Variants in TMPRSS11E observed in about 807,000 individuals in gnomAD.
TMPRSS11E encodes transmembrane protease serine 11E.
Under a neutral mutation model 48.1 loss-of-function variants are expected in TMPRSS11E, and 38 were observed. That is an observed-to-expected ratio of 0.79 (90% CI 0.61 to 1.04). The LOEUF is 1.04. Ranked by LOEUF, TMPRSS11E falls within the 50% of genes least tolerant of loss-of-function variation. The pLI is 0.00. For missense variants in TMPRSS11E, 530 were observed against 510.8 expected (o/e 1.04, Z -0.36); for synonymous variants, 158 against 171.9 (o/e 0.92, Z 0.63).
intron 8 of TMPRSS11E, among the ~76,000 whole-genome samples, chr4:68,478,392 C>T (rs2603181): frequency 0.66 from 96,932 of 147,200 alleles, 32,328 homozygotes; most frequent in East Asian, 0.86. Flanking sequence ...GATCTGCCCT[C>T]CTCGGCCTCC....
At chr4:68,487,136 T>C (rs1251660151) in intron 9 of TMPRSS11E, among the ~76,000 whole-genome samples, 1 of 152,194 alleles carries the variant, frequency 6.6e-6, no homozygotes, top group Non-Finnish European at 1.5e-5. Flanking sequence ...GTTATAATAT[T>C]GATATGTGAA....
At chr4:68,486,639 T>G (rs919313064) in intron 9 of TMPRSS11E, among the ~76,000 whole-genome samples, 2 of 152,216 alleles carry the variant, frequency 1.3e-5, no homozygotes, top group Non-Finnish European at 2.9e-5. Flanking sequence ...GTTCTATAGA[T>G]ATCTCTTAGG....
At chr4:68,474,308 T>C (rs1329010148) in intron 5 of TMPRSS11E, among the ~76,000 whole-genome samples, 1 of 152,086 alleles carries the variant, frequency 6.6e-6, no homozygotes, top group African/African-American at 2.4e-5. Flanking sequence ...AATGATACAA[T>C]CTGAAATAAT....
intron 5 of TMPRSS11E, among the ~76,000 whole-genome samples, chr4:68,473,337 G>T (rs1335534175): frequency 3.9e-5 from 6 of 151,990 alleles, no homozygotes; most frequent in Non-Finnish European, 8.8e-5. Context: ...GCAAGTTTTG[G>T]TTCAAACAGA....
In TMPRSS11E at chr4:68,447,472, T is replaced by C; in HGVS notation, c.-41T>C. The C allele has an allele frequency of 6.2e-7, 1 of 1,603,894 alleles. No homozygotes were observed. The highest frequency in any genetic ancestry group is 8.5e-7 in the Non-Finnish European group (1 of 1,174,818). ...AGAGCTGGATTCACACACTTGGATG[T>C]AGACCTCGACCTTCACAGGACTCTT... On this transcript the variant is annotated 5_prime_UTR_variant, in exon 1 of 10. It removes the in-frame stop codon of an upstream open reading frame in the 5' UTR. Coordinates refer to ENST00000305363, the MANE Select transcript of TMPRSS11E (RefSeq NM_014058.4).
At chr4:68,467,072 TA>T (rs1190022554) in intron 3 of TMPRSS11E, among the ~76,000 whole-genome samples, 1 of 152,072 alleles carries the variant, frequency 6.6e-6, no homozygotes, top group Non-Finnish European at 1.5e-5. Context: ...ATATTTGTTG[TA>T]TCCTAGACTT....
intron 9 of TMPRSS11E, among the ~76,000 whole-genome samples, chr4:68,491,357 G>T (rs1268018365): frequency 3.7e-5 from 5 of 134,622 alleles, no homozygotes; most frequent in African/African-American, 1.4e-4. Context: ...CATTCCTTTT[G>T]TCCTGCATTT....
rs1560552553 is a variant in TMPRSS11E, at chr4:68,471,531, CTG to C, written c.400_401del (p.Val134ArgfsTer2). 1 of 1,611,010 alleles carries C rather than the reference CTG, an allele frequency of 6.2e-7. No homozygotes were observed. The highest frequency in any genetic ancestry group is 8.5e-7 in the Non-Finnish European group (1 of 1,178,598). ...TTTCACTCTACTGAGGATCCTGAAA[CTG>C]TAGATAAAATTGTTCAACTTGTTTT... is the stretch of plus-strand genomic sequence containing the variant. On this transcript the variant is annotated frameshift_variant, in exon 5 of 10. Transcript: ENST00000305363. LOFTEE classifies it high-confidence loss of function.
Position 68,471,454 on chromosome 4 carries a change from C to T in TMPRSS11E, c.327-6C>T, listed in dbSNP as rs779738286. ...TTCTTTCATTTTCTTCTTTTTTGGC[C>T]CACAGTCAACAGAAGCATGGAGTGT... is the stretch of plus-strand genomic sequence containing the variant. On this transcript the variant is annotated splice_polypyrimidine_tract_variant and splice_region_variant and intron_variant, in intron 4 of 9. Coordinates refer to ENST00000305363, the MANE Select transcript of TMPRSS11E (RefSeq NM_014058.4). 3 of 1,276,566 alleles carry T rather than the reference C, an allele frequency of 2.4e-6. No homozygotes were observed. Among genetic ancestry groups the T allele is most frequent in the Non-Finnish European group, 3.0e-6 (3 of 988,352 alleles). The allele number at this position is 1,276,566 out of a possible 1,614,324, so 79.1% of individuals were successfully genotyped here.
Position 68,477,472 on chromosome 4 carries a change from C to T in TMPRSS11E, c.811C>T (p.His271Tyr), listed in dbSNP as rs1729256429. Residue 271 changes from histidine (H) to tyrosine (Y), a missense_variant, in exon 8 of 10, where the codon CAC becomes TAC. Coordinates refer to ENST00000305363, the MANE Select transcript of TMPRSS11E (RefSeq NM_014058.4). ...RRIIVHEKYK[H>Y]PSHDYDISLA... is the part of the protein sequence containing the mutation. ...AATAATTGTCCATGAAAAATACAAA[C>T]ACCCATCACATGACTATGATATTTC... The T allele has an allele frequency of 1.2e-6, 2 of 1,613,976 alleles. No homozygotes were observed. The highest frequency in any genetic ancestry group is 2.2e-5 in the East Asian group (1 of 44,862).
rs1483498752 is a variant in TMPRSS11E at position 68,491,728 on chromosome 4, GCTTT to G, written c.1111-4912_1111-4909del. On this transcript the variant is annotated intron_variant, in intron 9 of 9. Coordinates refer to ENST00000305363, the MANE Select transcript of TMPRSS11E (RefSeq NM_014058.4). ...ATTTGACAGAATTTTTGTTTAATGT[GCTTT>G]CTAAGCCCTATAGTTCTCTTCAGAA... Among the ~76,000 whole-genome samples, 6 of 152,200 alleles carry G rather than the reference GCTTT, an allele frequency of 3.9e-5. No homozygotes were observed. In the South Asian group the frequency reaches 1.2e-3, roughly 32 times the overall value.
intron 2 of TMPRSS11E, among the ~76,000 whole-genome samples, chr4:68,463,265 G>A (rs888425284): frequency 6.6e-6 from 1 of 152,052 alleles, no homozygotes; most frequent in African/African-American, 2.4e-5. Flanking sequence ...TTTAAATTTG[G>A]AGTATCTGCA....
chr4:68,448,069 T>C lies in TMPRSS11E; in HGVS notation c.11+546T>C, dbSNP rs376452876. 1.1e-3 allele frequency among the ~76,000 whole-genome samples: 165 copies of C among 152,116 alleles called. 1 individual carries two copies. The highest frequency in any genetic ancestry group is 3.8e-3 in the African/African-American group (159 of 41,554). ...ATAAATCCACTGATATGCCTGGCCATAGTCAACTTCTCCAAAGATAAGTCA... is the reference window on the plus strand; with the variant it reads ...ATAAATCCACTGATATGCCTGGCCACAGTCAACTTCTCCAAAGATAAGTCA... On this transcript the variant is annotated intron_variant, in intron 1 of 9. Transcript: ENST00000305363.
At chr4:68,492,698 A>G (rs1729763795) in intron 9 of TMPRSS11E, among the ~76,000 whole-genome samples, 1 of 152,202 alleles carries the variant, frequency 6.6e-6, no homozygotes, top group African/African-American at 2.4e-5. Flanking sequence ...CACACACGAA[A>G]TCTGTTTATG....
chr4:68,488,050 C>T (rs188140036), intron 9 of TMPRSS11E, among the ~76,000 whole-genome samples: 1 of 151,898 alleles, frequency 6.6e-6, no homozygotes, highest in Admixed American at 6.6e-5. Flanking sequence ...GATATCACCC[C>T]CTTTGTATGT....
intron 1 of TMPRSS11E, among the ~76,000 whole-genome samples, chr4:68,451,525 G>A (rs148920556): frequency 5.5e-4 from 83 of 151,878 alleles, no homozygotes; most frequent in African/African-American, 1.8e-3. Context: ...GTACTATACA[G>A]GCATATTTAA....
intron 9 of TMPRSS11E, among the ~76,000 whole-genome samples, chr4:68,492,738 A>T (rs1729765195): frequency 6.6e-6 from 1 of 152,216 alleles, no homozygotes; most frequent in South Asian, 2.1e-4. Context: ...ATGTGACCAG[A>T]GTCTCCTGGA....
chr4:68,460,590 T>C (rs1219186637), intron 1 of TMPRSS11E, among the ~76,000 whole-genome samples: 1 of 152,152 alleles, frequency 6.6e-6, no homozygotes, highest in Non-Finnish European at 1.5e-5. Context: ...CAAGTCCTCA[T>C]GTAGCAGACA....
intron 6 of TMPRSS11E, 58 bp downstream of exon 6, chr4:68,474,819 A>T: frequency 7.2e-7 from 1 of 1,389,218 alleles, no homozygotes; most frequent in East Asian, 2.3e-5. Context: ...CTAACACTAT[A>T]GGTCATTTAG....
Sources: allele counts gnomAD v4.1 joint callset (sites outside exome capture counted in the v4.1 genomes callset), GRCh38; gene constraint gnomAD v4.1.1; transcripts MANE v1.5; gene names NCBI Gene and HGNC (gene_info 2026-07-23, HGNC 2026-07-21).